Variants in TTC28 observed in about 807,000 individuals in gnomAD.
The protein encoded by TTC28 is tetratricopeptide repeat domain 28.
Under a neutral mutation model 198.0 loss-of-function variants are expected in TTC28, and 61 were observed. That is an observed-to-expected ratio of 0.31 (90% CI 0.25 to 0.38). The LOEUF (loss-of-function observed/expected upper bound fraction) is 0.38. Ranked by LOEUF, TTC28 falls within the 10% of genes least tolerant of loss-of-function variation. The probability of loss-of-function intolerance (pLI) is 1.00; values close to 1 mark genes in which losing one functional copy is unlikely to be tolerated. For synonymous variants in TTC28, 1,171 were observed against 1,297.8 expected (o/e 0.90, Z 2.10); for missense variants, 2,678 against 3,164.0 (o/e 0.85, Z 3.69).
chr22:28,493,133 A>G (rs1228703478), intron 2 of TTC28, among the ~76,000 whole-genome samples: 2 of 151,344 alleles, frequency 1.3e-5, no homozygotes, highest in Admixed American at 6.6e-5. Flanking sequence ...AGGCAGGTGG[A>G]TCATTTGAGG....
Position 28,592,966 on chromosome 22 carries a change from G to A in TTC28, c.381+36586C>T, listed in dbSNP as rs573223217. On this transcript the variant is annotated intron_variant, in intron 2 of 22. Transcript: ENST00000397906. ...TATATTTCCCAGAATCCCTTTTGTT[G>A]TTTAGATTTGGGTTAGATTTTGCTA... is the stretch of plus-strand genomic sequence containing the variant. Among the ~76,000 whole-genome samples the A allele has an allele frequency of 4.6e-5, 7 of 152,156 alleles. No individual in the cohort carries two copies. The East Asian group carries it at 1.3e-3, about 29-fold the overall frequency.
intron 2 of TTC28, among the ~76,000 whole-genome samples, chr22:28,371,368 G>C (rs1311910129): frequency 2.0e-5 from 3 of 148,214 alleles, no homozygotes; most frequent in Non-Finnish European, 4.5e-5. Context: ...AAATTAGCTG[G>C]GCGTGGTGGC....
chr22:28,164,685 G>A (rs1268591859), intron 5 of TTC28, among the ~76,000 whole-genome samples: 1 of 152,140 alleles, frequency 6.6e-6, no homozygotes, highest in Non-Finnish European at 1.5e-5. Context: ...AAACCACAAA[G>A]ATGGGGAAAA....
intron 2 of TTC28, among the ~76,000 whole-genome samples, chr22:28,561,812 C>CT (rs1166580416): frequency 2.6e-5 from 4 of 151,912 alleles, no homozygotes; most frequent in East Asian, 1.9e-4. Flanking sequence ...TTCAGAAAGG[C>CT]TTTTTTTTAA....
intron 1 of TTC28, among the ~76,000 whole-genome samples, chr22:28,661,197 T>G (rs971075588): frequency 1.7e-4 from 26 of 152,044 alleles, no homozygotes; most frequent in African/African-American, 4.8e-4. Context: ...GGCAGGAGAA[T>G]CCCTTGAACC....
intron 6 of TTC28, among the ~76,000 whole-genome samples, chr22:28,122,771 C>G (rs1942820137): frequency 6.6e-6 from 1 of 152,198 alleles, no homozygotes; most frequent in African/African-American, 2.4e-5. Flanking sequence ...TGTATACAAT[C>G]ATTTTCTCAA....
At chr22:28,327,868 A>G (rs1313546050) in intron 2 of TTC28, among the ~76,000 whole-genome samples, 1 of 152,016 alleles carries the variant, frequency 6.6e-6, no homozygotes, top group East Asian at 1.9e-4. Context: ...AATGTCTCCA[A>G]ATTTACCAAC....
chr22:28,308,459 T>TA (rs1181820255), intron 2 of TTC28, among the ~76,000 whole-genome samples: 1 of 152,192 alleles, frequency 6.6e-6, no homozygotes, highest in Non-Finnish European at 1.5e-5. Context: ...TTTCACATAT[T>TA]ATAAGAAAAA....
chr22:28,631,258 T>G (rs2051169369), intron 1 of TTC28, among the ~76,000 whole-genome samples: 1 of 152,340 alleles, frequency 6.6e-6, no homozygotes, highest in East Asian at 1.9e-4. Flanking sequence ...AAAATAAGGT[T>G]TAAAAAATGT....
At chr22:28,409,801 C>T (rs764673078) in intron 2 of TTC28, among the ~76,000 whole-genome samples, 6 of 151,736 alleles carry the variant, frequency 4.0e-5, no homozygotes, top group East Asian at 3.9e-4. Flanking sequence ...GGACTACAGG[C>T]GCACAGCACC....
intron 2 of TTC28, among the ~76,000 whole-genome samples, chr22:28,335,746 G>A (rs1264544638): frequency 1.3e-5 from 2 of 152,144 alleles, no homozygotes; most frequent in Non-Finnish European, 1.5e-5. Context: ...GGGCTGAGAT[G>A]ATGGGGTTTT....
chr22:28,355,155 G>C (rs1271222027), intron 2 of TTC28, among the ~76,000 whole-genome samples: 9 of 151,970 alleles, frequency 5.9e-5, no homozygotes, highest in Admixed American at 5.9e-4. Flanking sequence ...ACTATGCTAT[G>C]TATTATTATC....
intron 2 of TTC28, among the ~76,000 whole-genome samples, chr22:28,611,495 CTTTTT>C (rs373893099): frequency 7.9e-6 from 1 of 126,698 alleles, no homozygotes; most frequent in African/African-American, 3.2e-5. Context: ...AAATAAAAGC[CTTTTT>C]TTTAATTTTT....
chr22:28,606,578 T>C (rs2050740178), intron 2 of TTC28, among the ~76,000 whole-genome samples: 1 of 152,066 alleles, frequency 6.6e-6, no homozygotes, highest in African/African-American at 2.4e-5. Context: ...GCAACAGACA[T>C]GAGGGAAATA....
chr22:28,254,005 G>A (rs1930708504), intron 5 of TTC28, among the ~76,000 whole-genome samples: 1 of 151,724 alleles, frequency 6.6e-6, no homozygotes, highest in Non-Finnish European at 1.5e-5. Flanking sequence ...CTGGGAAGCT[G>A]AGACAGGAGG....
chr22:28,227,333 A>G (rs917528497), intron 5 of TTC28, among the ~76,000 whole-genome samples: 1 of 152,238 alleles, frequency 6.6e-6, no homozygotes, highest in Non-Finnish European at 1.5e-5. Context: ...GGATTCTGCA[A>G]TGCTTTCTTA....
At chr22:28,098,554 CTT>C (rs71704707) in intron 10 of TTC28, among the ~76,000 whole-genome samples, 8 of 144,890 alleles carry the variant, frequency 5.5e-5, no homozygotes, top group Admixed American at 1.4e-4. Context: ...TCTATTTAAA[CTT>C]TTTTTTTTTT....
intron 2 of TTC28, among the ~76,000 whole-genome samples, chr22:28,553,894 C>T (rs865880731): frequency 6.6e-5 from 10 of 152,174 alleles, no homozygotes; most frequent in African/African-American, 1.9e-4. Flanking sequence ...TCATTGAGAA[C>T]GGGCCATGAT....
Position 28,232,102 on chromosome 22 carries a change from C to T in TTC28, c.933+64096G>A, listed in dbSNP as rs78142357. ...AGCCCACAGTCTTTTTTAAGGAAAACCACTTCTTCATCCCACCCCTGCTGA... is the reference window on the plus strand; with the variant it reads ...AGCCCACAGTCTTTTTTAAGGAAAATCACTTCTTCATCCCACCCCTGCTGA... On this transcript the variant is annotated intron_variant, in intron 5 of 22. Coordinates refer to ENST00000397906, the MANE Select transcript of TTC28 (RefSeq NM_001145418.2). Among the ~76,000 whole-genome samples the T allele has an allele frequency of 6.4e-3, 976 of 152,238 alleles. 7 individuals carry two copies. Among genetic ancestry groups the T allele is most frequent in the Middle Eastern group, 0.031 (9 of 294 alleles).
Sources: allele counts gnomAD v4.1 joint callset (sites outside exome capture counted in the v4.1 genomes callset), GRCh38; gene constraint gnomAD v4.1.1; transcripts MANE v1.5; gene names NCBI Gene and HGNC (gene_info 2026-07-23, HGNC 2026-07-21).